SPP2: variants seen among roughly 807,000 people sequenced by gnomAD.
The protein encoded by SPP2 is secreted phosphoprotein 24.
Under a neutral mutation model 28.8 loss-of-function variants are expected in SPP2, and 34 were observed. The observed-to-expected ratio is 1.18, with a 90% CI of 0.90 to 1.57. SPP2 has a LOEUF of 1.57. SPP2 is among the 40% of genes most tolerant of loss of function. SPP2 has a pLI of 0.00. For missense variants in SPP2, 269 were observed against 263.9 expected, an observed-to-expected ratio of 1.02 and a Z score of -0.13; for synonymous variants, 96 against 89.4, an observed-to-expected ratio of 1.07 and a Z score of -0.42.
chr2:234,070,557 G>A (rs1690745388), intron 7 of SPP2, among the ~76,000 whole-genome samples: 2 of 152,166 alleles, frequency 1.3e-5, no homozygotes, highest in South Asian at 4.1e-4. Context: ...TGCCTCCTGG[G>A]TTCAAGCAAT....
At chr2:234,063,458 A>G (rs1693758582) in intron 4 of SPP2, among the ~76,000 whole-genome samples, 1 of 152,236 alleles carries the variant, frequency 6.6e-6, no homozygotes, top group Non-Finnish European at 1.5e-5. Context: ...CCCTGAATAT[A>G]AAATATTTGG....
At chr2:234,063,590 T>C (rs1227769845) in intron 4 of SPP2, among the ~76,000 whole-genome samples, 1 of 152,264 alleles carries the variant, frequency 6.6e-6, no homozygotes, top group African/African-American at 2.4e-5. Flanking sequence ...CGGTAGTTTT[T>C]ATTATTTCTT....
At chr2:234,050,927 G>T (rs543034193) in intron 1 of SPP2, 44 bp from the exon 2 acceptor site, 4 of 1,613,802 alleles carry the variant, frequency 2.5e-6, no homozygotes, top group Admixed American at 1.7e-5. Context: ...CCATGCTGGC[G>T]CCTGTGTCTT....
chr2:234,074,622 C>A (rs1398555222), intron 7 of SPP2, among the ~76,000 whole-genome samples: 2 of 152,174 alleles, frequency 1.3e-5, no homozygotes, highest in Admixed American at 1.3e-4. Context: ...AGAGTTGGTT[C>A]TTATTATCTG....
At chr2:234,051,620 A>T (rs1693499786) in intron 2 of SPP2, among the ~76,000 whole-genome samples, 1 of 152,216 alleles carries the variant, frequency 6.6e-6, no homozygotes. Flanking sequence ...AAATGTAAAA[A>T]TATCCTTCAA....
chr2:234,066,027 C>T (rs1036058715), intron 4 of SPP2, among the ~76,000 whole-genome samples: 5 of 152,136 alleles, frequency 3.3e-5, no homozygotes, highest in African/African-American at 1.2e-4. Flanking sequence ...AAGAAATTAC[C>T]TGACTGTTCA....
chr2:234,063,776 G>C (rs1037913490), intron 4 of SPP2, among the ~76,000 whole-genome samples: 3 of 152,102 alleles, frequency 2.0e-5, no homozygotes, highest in African/African-American at 7.2e-5. Context: ...TAATGAGTGA[G>C]CTTGACTTTA....
chr2:234,075,986 C>G (rs1260702813), intron 7 of SPP2, among the ~76,000 whole-genome samples: 2 of 152,160 alleles, frequency 1.3e-5, no homozygotes, highest in African/African-American at 4.8e-5. Flanking sequence ...CTGTCCTTTT[C>G]GAGCTGTTGG....
At chr2:234,059,376 G>A (rs28903998) in intron 3 of SPP2, among the ~76,000 whole-genome samples, 3,344 of 152,184 alleles carry the variant, frequency 0.022, 128 homozygotes, top group African/African-American at 0.076. Flanking sequence ...ACTAGTTCAG[G>A]CTCAGTGAGA....
intron 4 of SPP2, among the ~76,000 whole-genome samples, chr2:234,062,282 G>T (rs1362872845): frequency 6.6e-6 from 1 of 152,204 alleles, no homozygotes; most frequent in East Asian, 1.9e-4. Context: ...TTCCAGCCAA[G>T]AACTGGAAGG....
chr2:234,074,510 A>G (rs1690858351), intron 7 of SPP2, among the ~76,000 whole-genome samples: 1 of 152,080 alleles, frequency 6.6e-6, no homozygotes, highest in Admixed American at 6.5e-5. Flanking sequence ...AAAAGATCCA[A>G]CCGAGACTCC....
chr2:234,068,942 G>A (rs1227823656), intron 6 of SPP2, among the ~76,000 whole-genome samples: 11 of 152,070 alleles, frequency 7.2e-5, no homozygotes, highest in South Asian at 2.1e-4. Flanking sequence ...AACTTAGCTG[G>A]GTGGTTCTGG....
chr2:234,058,696 T>C (rs1693656663), intron 2 of SPP2, 140 bp from the exon 3 acceptor site: 4 of 965,678 alleles, frequency 4.1e-6, no homozygotes, highest in Non-Finnish European at 4.6e-6. Flanking sequence ...GGCACGGAAC[T>C]AGGTGATTGC....
At chr2:234,068,844 C>T (rs73111377) in intron 6 of SPP2, among the ~76,000 whole-genome samples, 8,069 of 151,884 alleles carry the variant, frequency 0.053, 482 homozygotes, top group African/African-American at 0.15. Flanking sequence ...TTATCTATTG[C>T]TATATATCAA....
At chr2:234,068,807 G>A (rs902920698) in intron 6 of SPP2, among the ~76,000 whole-genome samples, 35 of 151,168 alleles carry the variant, frequency 2.3e-4, no homozygotes, top group African/African-American at 8.0e-4. Context: ...TGATTAATCA[G>A]ATTAATAATC....
At chr2:234,056,507 A>G (rs1207950603) in intron 2 of SPP2, among the ~76,000 whole-genome samples, 1 of 152,218 alleles carries the variant, frequency 6.6e-6, no homozygotes, top group East Asian at 1.9e-4. Context: ...AGTCCCCTTC[A>G]AGATGCAAAA....
chr2:234,061,769 A>G (rs1337400316), intron 4 of SPP2, among the ~76,000 whole-genome samples: 1 of 152,184 alleles, frequency 6.6e-6, no homozygotes, highest in African/African-American at 2.4e-5. Flanking sequence ...AGAGAACTTA[A>G]CACAGTTTAT....
At chr2:234,067,640 A>G (rs1693849608) in intron 6 of SPP2, among the ~76,000 whole-genome samples, 1 of 151,840 alleles carries the variant, frequency 6.6e-6, no homozygotes, top group South Asian at 2.1e-4. Context: ...AGCCGGGCGT[A>G]GTGGTGGGCG....
At chr2:234,071,195 A>G (rs956384292) in intron 7 of SPP2, among the ~76,000 whole-genome samples, 3 of 152,110 alleles carry the variant, frequency 2.0e-5, no homozygotes, top group Non-Finnish European at 4.4e-5. Flanking sequence ...CCAATGAACT[A>G]TTGATTGTAT....
Sources: allele counts gnomAD v4.1 joint callset (sites outside exome capture counted in the v4.1 genomes callset), GRCh38; gene constraint gnomAD v4.1.1; transcripts MANE v1.5; gene names NCBI Gene and HGNC (gene_info 2026-07-23, HGNC 2026-07-21).